Variants in PLXNA4 observed in about 807,000 individuals in gnomAD.
PLXNA4 encodes the protein plexin-A4.
A neutral mutation model predicts 191.8 loss-of-function variants in PLXNA4; 44 were observed. The ratio of observed to expected loss-of-function variants is 0.23; its 90% confidence interval spans 0.18 to 0.29. The LOEUF is 0.29. Ranked by LOEUF, PLXNA4 falls within the 10% of genes least tolerant of loss-of-function variation. PLXNA4 has a pLI of 1.00. For missense variants in PLXNA4, 1,800 were observed against 2,488.8 expected, an observed-to-expected ratio of 0.72 and a Z score of 5.89; for synonymous variants, 1,082 against 1,009.5, an observed-to-expected ratio of 1.07 and a Z score of -1.36.
chr7:132,329,778 A>G (rs1802517718), intron 3 of PLXNA4, among the ~76,000 whole-genome samples: 2 of 152,180 alleles, frequency 1.3e-5, no homozygotes, highest in African/African-American at 2.4e-5. Flanking sequence ...TGGGGCCCCA[A>G]AAAGAAATGA....
chr7:132,646,260 C>T (rs1222539947), intron 1 of PLXNA4, among the ~76,000 whole-genome samples: 1 of 152,022 alleles, frequency 6.6e-6, no homozygotes, highest in Admixed American at 6.6e-5. Flanking sequence ...ATGAGTCATC[C>T]GAGGATACAG....
intron 4 of PLXNA4, among the ~76,000 whole-genome samples, chr7:132,272,876 C>T (rs1281406128): frequency 1.3e-5 from 2 of 152,104 alleles, no homozygotes; most frequent in African/African-American, 4.8e-5. Flanking sequence ...CTTCATCGCT[C>T]GTTCTCCATG....
chr7:132,353,215 G>A (rs968067519), intron 3 of PLXNA4, among the ~76,000 whole-genome samples: 14 of 152,124 alleles, frequency 9.2e-5, no homozygotes, highest in African/African-American at 3.4e-4. Flanking sequence ...AGAATGTCTG[G>A]TTGGCTGGCT....
At chr7:132,201,984 G>A (rs1797452555) in intron 12 of PLXNA4, among the ~76,000 whole-genome samples, 1 of 152,192 alleles carries the variant, frequency 6.6e-6, no homozygotes, top group Admixed American at 6.5e-5. Flanking sequence ...CACCGCACAT[G>A]TGAGGAAGGT....
chr7:132,521,976 T>G (rs1196737740), intron 1 of PLXNA4, among the ~76,000 whole-genome samples: 1 of 152,146 alleles, frequency 6.6e-6, no homozygotes, highest in Non-Finnish European at 1.5e-5. Flanking sequence ...GGGAGATTCA[T>G]GTTGGATGCT....
intron 1 of PLXNA4, among the ~76,000 whole-genome samples, chr7:132,562,097 TCTC>T (rs1234479419): frequency 2.6e-4 from 18 of 68,932 alleles, no homozygotes; most frequent in African/African-American, 6.7e-4. Flanking sequence ...CCTCCTCCTT[TCTC>T]CTCCTCCTCC....
At chr7:132,178,775 AG>A (rs1796572856) in intron 20 of PLXNA4, among the ~76,000 whole-genome samples, 1 of 110,506 alleles carries the variant, frequency 9.0e-6, no homozygotes, top group East Asian at 2.9e-4. Flanking sequence ...ACACACACAC[AG>A]CCTCCAGCAC....
At chr7:132,253,710 T>C (rs748004730) in intron 4 of PLXNA4, among the ~76,000 whole-genome samples, 3 of 152,116 alleles carry the variant, frequency 2.0e-5, no homozygotes, top group Non-Finnish European at 4.4e-5. Flanking sequence ...TATCCCATAT[T>C]GGGTGGGAAA....
chr7:132,632,555 A>G (rs1335702304), intron 2 of PLXNA4, among the ~76,000 whole-genome samples: 1 of 152,198 alleles, frequency 6.6e-6, no homozygotes, highest in African/African-American at 2.4e-5. Context: ...CGGGATAGAA[A>G]TGTAGCATCC....
In PLXNA4 at chr7:132,542,913, T is replaced by C. The variant is rs12532858; in HGVS notation, c.-87+33509A>G. Among the ~76,000 whole-genome samples the C allele has an allele frequency of 7.6e-3, 1,161 of 152,318 alleles. 4 individuals carry two copies. Among genetic ancestry groups the C allele is most frequent in the Non-Finnish European group, 0.013 (866 of 68,018 alleles). On this transcript the variant is annotated intron_variant, in intron 1 of 31. Coordinates refer to ENST00000321063, the MANE Select transcript of PLXNA4 (RefSeq NM_020911.2). ...ACTTGTAATCTTGTCTTATTTCTAC[T>C]TGAAAAATAGTAAGCATGGTTATTT... is the stretch of plus-strand genomic sequence containing the variant.
chr7:132,150,012 C>A (rs1795549537), intron 25 of PLXNA4, among the ~76,000 whole-genome samples: 1 of 152,158 alleles, frequency 6.6e-6, no homozygotes, highest in Admixed American at 6.5e-5. Flanking sequence ...GGGCTCCAGT[C>A]CCTGGGGCTT....
rs186897447 is a variant in PLXNA4 at position 132,513,060 on chromosome 7, C to A, written c.-86-4281G>T. Among the ~76,000 whole-genome samples, 780 of 152,294 alleles carry A rather than the reference C, an allele frequency of 5.1e-3. 5 individuals carry two copies. Among genetic ancestry groups the A allele is most frequent in the African/African-American group, 0.018 (751 of 41,548 alleles). On this transcript the variant is annotated intron_variant, in intron 1 of 31. Transcript: ENST00000321063. The stretch of plus-strand genomic sequence containing the variant: ...CAACTCAAACATGCTACAGTTTTCC[C>A]TTCTTTGAAATCAGATTTTAATTTT...
chr7:132,371,222 C>T (rs1031796190), intron 3 of PLXNA4, among the ~76,000 whole-genome samples: 2 of 152,002 alleles, frequency 1.3e-5, no homozygotes, highest in East Asian at 1.9e-4. Context: ...CCTTTGGCTC[C>T]GTGTTATGTA....
At chr7:132,352,752 G>A (rs55675809) in intron 3 of PLXNA4, among the ~76,000 whole-genome samples, 5,461 of 152,272 alleles carry the variant, frequency 0.036, 155 homozygotes, top group Middle Eastern at 0.071. Flanking sequence ...ACTCGGGATT[G>A]CTTTGAGAAT....
chr7:132,484,485 C>T (rs2288989), intron 3 of PLXNA4, among the ~76,000 whole-genome samples: 4,117 of 152,286 alleles, frequency 0.027, 238 homozygotes, highest in East Asian at 0.27. Flanking sequence ...ATGGAAAATG[C>T]AGACACAATA....
At chr7:132,291,249 G>A (rs1318498368) in intron 4 of PLXNA4, among the ~76,000 whole-genome samples, 1 of 152,132 alleles carries the variant, frequency 6.6e-6, no homozygotes, top group Non-Finnish European at 1.5e-5. Flanking sequence ...ACTCTCTTCT[G>A]CTTTTTGCTC....
intron 2 of PLXNA4, among the ~76,000 whole-genome samples, chr7:132,597,173 C>A (rs191619302): frequency 6.6e-6 from 1 of 152,260 alleles, no homozygotes; most frequent in East Asian, 1.9e-4. Flanking sequence ...TCATGCCTTT[C>A]CTTGCATTCC....
chr7:132,275,730 G>A (rs1021233963), intron 4 of PLXNA4, among the ~76,000 whole-genome samples: 4 of 152,166 alleles, frequency 2.6e-5, no homozygotes, highest in Non-Finnish European at 2.9e-5. Flanking sequence ...GCCAGCACCT[G>A]GGTCTAGCAC....
At chr7:132,358,608 G>A (rs1803806217) in intron 3 of PLXNA4, among the ~76,000 whole-genome samples, 1 of 152,186 alleles carries the variant, frequency 6.6e-6, no homozygotes, top group Non-Finnish European at 1.5e-5. Context: ...ATTCCTTAAT[G>A]CATGTGTTCA....
Sources: gnomAD v4.1 joint callset for allele counts (sites outside exome capture counted in the v4.1 genomes callset) on GRCh38, gnomAD v4.1.1 for gene constraint, MANE v1.5 for transcripts, NCBI Gene and HGNC (gene_info 2026-07-23, HGNC 2026-07-21) for gene names.